Variants in DDX54 observed in about 807,000 individuals in gnomAD.
DDX54 encodes the protein ATP-dependent RNA helicase DDX54.
A neutral mutation model predicts 105.5 loss-of-function variants in DDX54; 67 were observed. The ratio of observed to expected loss-of-function variants is 0.64; its 90% CI spans 0.52 to 0.78. The LOEUF (loss-of-function observed/expected upper bound fraction) is 0.78, where lower values mean the gene tolerates loss of function less well. DDX54 is among the 30% of genes least tolerant of loss of function. DDX54 has a pLI of 0.00. For missense variants in DDX54, 1,206 were observed against 1,230.5 expected (o/e 0.98, Z 0.30); for synonymous variants, 514 against 509.9 (o/e 1.01, Z -0.11).
At position 113,179,141 on chromosome 12, in the gene DDX54, A is replaced by G. The variant is rs1952437800; in HGVS notation, c.564+2T>C. 6.2e-7 allele frequency: 1 copy of G among 1,612,988 alleles called. No homozygotes were observed. Among genetic ancestry groups the G allele is most frequent in the Admixed American group, 1.7e-5 (1 of 59,894 alleles). On this transcript the variant is annotated splice_donor_variant, in intron 4 of 19. Coordinates refer to ENST00000306014, the MANE Select transcript of DDX54 (RefSeq NM_024072.4). LOFTEE classifies it high-confidence loss of function. ...CCAGCCTCTAGCCAAGCTCAGACAC[A>G]CCTCCTTAGTGAACTTCAGGGTCTG...
At chr12:113,172,290 C>T in intron 11 of DDX54, 63 bp downstream of exon 11, 2 of 1,548,376 alleles carry the variant, frequency 1.3e-6, no homozygotes, top group South Asian at 1.2e-5. Flanking sequence ...AAGCCTTGTA[C>T]CCTCGGCTTC....
chr12:113,164,817 G>A (rs922717558), intron 14 of DDX54, among the ~76,000 whole-genome samples: 4 of 151,932 alleles, frequency 2.6e-5, no homozygotes, highest in Non-Finnish European at 5.9e-5. Context: ...GATCACCTGA[G>A]CCCAGGGGTC....
chr12:113,157,686 C>A lies in DDX54; in HGVS notation c.*1191G>T. On this transcript the variant is annotated 3_prime_UTR_variant, in exon 20 of 20. Transcript: ENST00000306014. Reference sequence around the variant, plus strand: ...TGCAGCCCCTGCCTCCTAGCCCTGACACAGGTGAGCAGCGGGAGAGGGAAC... The same window carrying A: ...TGCAGCCCCTGCCTCCTAGCCCTGAAACAGGTGAGCAGCGGGAGAGGGAAC... 6.4e-7 allele frequency: 1 copy of A among 1,550,944 alleles called. No homozygotes were observed. The highest frequency in any genetic ancestry group is 1.2e-5 in the South Asian group (1 of 84,060).
chr12:113,182,876 CTT>C (rs879610774), intron 1 of DDX54, among the ~76,000 whole-genome samples: 17 of 134,516 alleles, frequency 1.3e-4, no homozygotes, highest in Admixed American at 1.5e-4. Flanking sequence ...CTTTTCAACA[CTT>C]TTTTTTTTTT....
At position 113,172,547 on chromosome 12, in the gene DDX54, C is replaced by G; in HGVS notation, c.1085G>C (p.Arg362Pro). ...ACTGTAGATGTGGGCGCAGCTCACC[C>G]GCTGGGTCGTCAGCAGCTGCTCAGA... The part of the protein sequence containing the change: ...EYLTELLTTQ[R>P]VSCAHIYSAL... The change falls in exon 11 of 20, where the codon CGG (arginine) becomes CCG (proline). Residue 362 changes from arginine (R) to proline (P), a missense_variant. Physicochemically the swap from Arg to Pro is moderately radical, Grantham distance 103 (BLOSUM62 -2). Around this residue, in one of 3 missense-constraint regions of DDX54, gnomAD observed 961 missense variants for 1,019.1 expected, o/e 0.94. Transcript: ENST00000306014. The G allele has an allele frequency of 6.2e-7, 1 of 1,614,140 alleles. No homozygotes were observed. Among genetic ancestry groups the G allele is most frequent in the Non-Finnish European group, 8.5e-7 (1 of 1,180,044 alleles).
Position 113,161,907 on chromosome 12 carries a change from G to T in DDX54, c.2286C>A (p.Ser762=). 5.6e-6 allele frequency: 9 copies of T among 1,611,356 alleles called. No individual in the cohort carries two copies. Among genetic ancestry groups the T allele is most frequent in the Non-Finnish European group, 7.6e-6 (9 of 1,179,442 alleles). Residue 762 remains serine (S), a synonymous_variant, in exon 18 of 20, where the codon TCC becomes TCA. Transcript: ENST00000306014. ...KTESGRYISS[S]YKRDLYQKWK... is the part of the protein sequence containing the mutation. ...CCTCAGGATACAGGTCTCGCTTGTA[G>T]GAGCTGCTGATGTAGCGGCCGCTCT...
In DDX54 at chr12:113,158,548, C is replaced by A; in HGVS notation, c.*329G>T. 3.6e-6 allele frequency: 1 copy of A among 277,806 alleles called. No individual in the cohort carries two copies. The highest frequency in any genetic ancestry group is 6.5e-5 in the East Asian group (1 of 15,344). The allele number at this position is 277,806 out of a possible 1,614,324, so 17.2% of individuals were successfully genotyped here. On this transcript the variant is annotated 3_prime_UTR_variant, in exon 20 of 20. Transcript: ENST00000306014. The surrounding 1 kb of genome is among the most constrained non-coding windows in gnomAD (Gnocchi z 4.9). Reference sequence around the variant, plus strand: ...AATTCCATTGCCAAACCCTGAGGCACTCAGGGCTCTGACCGGTGCAGCCAT... The same window carrying A: ...AATTCCATTGCCAAACCCTGAGGCAATCAGGGCTCTGACCGGTGCAGCCAT...
chr12:113,167,528 C>T lies in DDX54; in HGVS notation c.1415-1496G>A, dbSNP rs983545860. 6.4e-4 allele frequency among the ~76,000 whole-genome samples: 98 copies of T among 152,210 alleles called. 1 individual carries two copies. The highest frequency in any genetic ancestry group is 2.0e-3 in the African/African-American group (84 of 41,448). The stretch of plus-strand genomic sequence containing the variant: ...TTGCAAGAAAGGCCCTGATGAGTCC[C>T]TTTTAGAGAGGAGGAAACTGAGGCT... On this transcript the variant is annotated intron_variant, in intron 12 of 19. Coordinates refer to ENST00000306014, the MANE Select transcript of DDX54 (RefSeq NM_024072.4).
rs775049355 is a variant in DDX54 at position 113,161,915 on chromosome 12, T to C, written c.2278A>G (p.Ser760Gly). ...KIKTESGRYI[S>G]SSYKRDLYQK... ...TACAGGTCTCGCTTGTAGGAGCTGC[T>C]GATGTAGCGGCCGCTCTCTGTCTTA... The change falls in exon 18 of 20, where the codon AGC becomes GGC. Residue 760 changes from serine (S) to glycine (G), a missense_variant. Transcript: ENST00000306014. The C allele has an allele frequency of 2.5e-6, 4 of 1,611,228 alleles. No homozygotes were observed. The Admixed American group carries it at 6.7e-5, about 27-fold the overall frequency.
rs759319020 is a variant in DDX54, at chr12:113,175,173, G to A, written c.753-16C>T. 9 of 1,591,140 alleles carry A rather than the reference G, an allele frequency of 5.7e-6. No individual in the cohort carries two copies. The East Asian group carries it at 1.8e-4, about 32-fold the overall frequency. ...TTCAAAAAGCCTGGAAGGGTAGAGG[G>A]CAGGACTGGGTCAGAGGGGGCCTTC... On this transcript the variant is annotated splice_polypyrimidine_tract_variant and intron_variant, in intron 7 of 19. Transcript: ENST00000306014.
rs201976305 is a variant in DDX54, at chr12:113,162,942, G to A, written c.2185C>T (p.Gln729Ter). 1.3e-5 allele frequency: 20 copies of A among 1,598,508 alleles called. No individual in the cohort carries two copies. Residue 729 changes from glutamine (Q) to a stop codon, truncating the protein, a stop_gained, in exon 17 of 20, where the codon CAG (glutamine) becomes TAG (stop). Transcript: ENST00000306014. LOFTEE classifies it high-confidence loss of function. ...EAQNLTRGRQ[Q>*]LKWDRKKKRF... Reference sequence around the variant, plus strand: ...CACTCGATCACTCACCACTTGAGCTGCTGCCGGCCCCTCGTCAGGTTCTGG... The same window carrying A: ...CACTCGATCACTCACCACTTGAGCTACTGCCGGCCCCTCGTCAGGTTCTGG...
chr12:113,165,514 T>TG (rs1952260397), intron 14 of DDX54, 130 bp downstream of exon 14: 1 of 953,062 alleles, frequency 1.0e-6, no homozygotes, highest in Admixed American at 3.1e-5. Flanking sequence ...GGGGTCCTGC[T>TG]GGGGGTCAGG....
At chr12:113,164,379 A>G in intron 14 of DDX54, 94 bp from the exon 15 acceptor site, 1 of 1,423,902 alleles carries the variant, frequency 7.0e-7, no homozygotes, top group Non-Finnish European at 9.3e-7. Context: ...GTTCTTCCCC[A>G]AGTCTTCCCC....
chr12:113,160,349 A>C (rs938582088), intron 19 of DDX54, among the ~76,000 whole-genome samples: 1 of 152,218 alleles, frequency 6.6e-6, no homozygotes, highest in African/African-American at 2.4e-5. Flanking sequence ...CCCTCTCCCC[A>C]GGGAAGACTC....
In DDX54 at chr12:113,165,948, T is replaced by A; in HGVS notation, c.1499A>T (p.Glu500Val). The A allele has an allele frequency of 6.2e-7, 1 of 1,613,600 alleles. No homozygotes were observed. The highest frequency in any genetic ancestry group is 8.5e-7 in the Non-Finnish European group (1 of 1,180,014). Residue 500 changes from glutamate to valine, a missense_variant, in exon 13 of 20, where the codon GAG becomes GTG. Coordinates refer to ENST00000306014, the MANE Select transcript of DDX54 (RefSeq NM_024072.4). The part of the protein sequence containing the change: ...EEDSGLQSTL[E>V]ASLELRGLAR... ...CAGGCCCCGTAGCTCCAGCGATGCC[T>A]CCAGGGTGCTCTGCAGACCACTGTC...
At chr12:113,185,033 A>C (rs1435575325) in intron 1 of DDX54, among the ~76,000 whole-genome samples, 1 of 152,134 alleles carries the variant, frequency 6.6e-6, no homozygotes, top group Non-Finnish European at 1.5e-5. Flanking sequence ...CGCGCGACCA[A>C]AACCCGGCAG....
At position 113,161,314 on chromosome 12, in the gene DDX54, C is replaced by T. The variant is rs745546496; in HGVS notation, c.2369G>A (p.Arg790Gln). 22 of 1,613,558 alleles carry T rather than the reference C, an allele frequency of 1.4e-5. No homozygotes were observed. Among genetic ancestry groups the T allele is most frequent in the South Asian group, 2.2e-5 (2 of 90,964 alleles). ...CCCACCTCTTCGCTCTGGGCCTCGC[C>T]GGTCAGATGCCCCTTCTTCGTCCGA... The part of the protein sequence containing the change: ...RDSDEEGASD[R>Q]RGPERRGGKR... Residue 790 changes from arginine to glutamine, a missense_variant, in exon 19 of 20, where the codon CGG becomes CAG. Physicochemically the swap from Arg to Gln is conservative, Grantham distance 43 (BLOSUM62 1). Coordinates refer to ENST00000306014, the MANE Select transcript of DDX54 (RefSeq NM_024072.4).
In DDX54 at chr12:113,176,821, G is replaced by A. The variant is rs374728785; in HGVS notation, c.752+19C>T. 4 of 1,613,104 alleles carry A rather than the reference G, an allele frequency of 2.5e-6. No individual in the cohort carries two copies. Among genetic ancestry groups the A allele is most frequent in the Non-Finnish European group, 2.5e-6 (3 of 1,179,362 alleles). ...CCCAGTTCAGACACAAGTGCTCAGG[G>A]CTGGACCTGCAGCCTTACCGGTCAG... On this transcript the variant is annotated intron_variant, in intron 7 of 19. Coordinates refer to ENST00000306014, the MANE Select transcript of DDX54 (RefSeq NM_024072.4).
At chr12:113,178,871 G>A (rs1235777667) in intron 5 of DDX54, 106 bp downstream of exon 5, 3 of 1,425,266 alleles carry the variant, frequency 2.1e-6, no homozygotes, top group African/African-American at 1.4e-5. Flanking sequence ...GAGCACAGAA[G>A]CTGCTATTAT....
Sources: allele counts gnomAD v4.1 joint callset (sites outside exome capture counted in the v4.1 genomes callset), GRCh38; gene constraint gnomAD v4.1.1; regional missense constraint gnomAD v4.1.1; non-coding constraint Gnocchi (gnomAD v3.1); transcripts MANE v1.5; gene names NCBI Gene and HGNC (gene_info 2026-07-23, HGNC 2026-07-21).